The following RANBP2 variants were observed in gnomAD, a reference collection of about 807,000 sequenced individuals.
The protein encoded by RANBP2 is RAN binding protein 2, also known as E3 SUMO-protein ligase RanBP2.
A neutral mutation model predicts 303.6 loss-of-function variants in RANBP2; 57 were observed. That is an observed-to-expected ratio of 0.19 (90% CI 0.15 to 0.23). The LOEUF (loss-of-function observed/expected upper bound fraction) is 0.23. RANBP2 is among the 10% of genes least tolerant of loss of function. The probability of loss-of-function intolerance (pLI) is 1.00; values close to 1 mark genes in which losing one functional copy is unlikely to be tolerated. For missense variants in RANBP2, 3,138 were observed against 3,780.8 expected (o/e 0.83, Z 4.46); for synonymous variants, 1,167 against 1,301.5 (o/e 0.90, Z 2.23).
intron 18 of RANBP2, among the ~76,000 whole-genome samples, chr2:108,760,576 A>C (rs1676657855): frequency 6.6e-6 from 1 of 152,190 alleles, no homozygotes; most frequent in Non-Finnish European, 1.5e-5. Context: ...CACTTTGCTA[A>C]TGCTGACTTA....
chr2:109,460,109 C>T, the RANBP2 span, among the ~76,000 whole-genome samples: 2 of 152,326 alleles, frequency 1.3e-5, no homozygotes, highest in African/African-American at 4.8e-5. Flanking sequence ...CACACGAGCC[C>T]ATTGCTGCAC....
the RANBP2 span, among the ~76,000 whole-genome samples, chr2:109,486,775 G>A: frequency 6.6e-6 from 1 of 152,172 alleles, no homozygotes; most frequent in Non-Finnish European, 1.5e-5. Context: ...GTGGTGGGGA[G>A]GGCCTTCCAG....
the RANBP2 span, among the ~76,000 whole-genome samples, chr2:109,592,626 A>T: frequency 6.6e-6 from 1 of 151,206 alleles, no homozygotes; most frequent in Non-Finnish European, 1.5e-5. Flanking sequence ...TAAAATACAA[A>T]AAAGTTAGCC....
In RANBP2 at chr2:108,735,602, A is replaced by G. The variant is rs531660236; in HGVS notation, c.476A>G (p.Tyr159Cys). Reference protein sequence around the residue: ...KLFDLIQSELYVRPDDVHVNI... With the variant: ...KLFDLIQSELCVRPDDVHVNI... ...TTTGACTTGATTCAGTCAGAACTTT[A>G]TGTAAGACCTGATGACGTCCATGTG... Residue 159 changes from tyrosine to cysteine, a missense_variant, in exon 5 of 29, where the codon TAT (tyrosine) becomes TGT (cysteine). Around this residue, in one of 20 missense-constraint regions of RANBP2, gnomAD observed 306 missense variants for 381.9 expected, o/e 0.80. Coordinates refer to ENST00000283195, the MANE Select transcript of RANBP2 (RefSeq NM_006267.5). 1.3e-5 allele frequency: 21 copies of G among 1,597,612 alleles called. 1 individual carries two copies. The East Asian group carries it at 4.0e-4, about 31-fold the overall frequency.
At position 108,735,705 on chromosome 2, in the gene RANBP2, G is replaced by A. The variant is rs766116151; in HGVS notation, c.579G>A (p.Arg193=). The A allele has an allele frequency of 6.3e-7, 1 of 1,597,488 alleles. No homozygotes were observed. Among genetic ancestry groups the A allele is most frequent in the African/African-American group, 1.3e-5 (1 of 74,866 alleles). ...TGGCCCACTGCCATGAGGCAGAGAGGAACATAGCTTTGCGTTCAAGTTTAG... is the reference window on the plus strand; with the variant it reads ...TGGCCCACTGCCATGAGGCAGAGAGAAACATAGCTTTGCGTTCAAGTTTAG... ...DAVAHCHEAE[R]NIALRSSLEW... The change falls in exon 5 of 29, where the codon AGG becomes AGA. Residue 193 remains arginine, a synonymous_variant. Transcript: ENST00000283195.
chr2:108,746,210 T>C (rs1313205626), intron 7 of RANBP2, among the ~76,000 whole-genome samples: 7 of 62,064 alleles, frequency 1.1e-4, no homozygotes, highest in African/African-American at 7.6e-4. Context: ...GTCTGGCCCT[T>C]TTTTTTTTTT....
chr2:109,018,730 G>A, the RANBP2 span, among the ~76,000 whole-genome samples: 3 of 152,240 alleles, frequency 2.0e-5, no homozygotes, highest in African/African-American at 7.2e-5. Context: ...TATCCTTCAG[G>A]CACTGGCTCA....
chr2:109,541,030 G>A, the RANBP2 span, among the ~76,000 whole-genome samples: 612 of 152,244 alleles, frequency 4.0e-3, 5 homozygotes, highest in African/African-American at 0.014. Flanking sequence ...ATGCGTTCTG[G>A]TTGTCATACC....
chr2:109,266,818 C>G, the RANBP2 span, among the ~76,000 whole-genome samples: 43 of 152,282 alleles, frequency 2.8e-4, no homozygotes, highest in African/African-American at 9.1e-4. Context: ...GGGAGGGAGT[C>G]ACCTCATGTT....
At chr2:109,424,565 G>A in the RANBP2 span, among the ~76,000 whole-genome samples, 1 of 152,320 alleles carries the variant, frequency 6.6e-6, no homozygotes, top group South Asian at 2.1e-4. Flanking sequence ...CTCACTTCGA[G>A]TCTCTGTGTC....
At chr2:109,502,433 C>T in the RANBP2 span, 9 of 152,288 alleles carry the variant, frequency 5.9e-5, no homozygotes, top group South Asian at 1.9e-3. Flanking sequence ...CTAATAATGA[C>T]TTGGTTGAGC....
At chr2:109,239,734 G>A in the RANBP2 span, among the ~76,000 whole-genome samples, 1 of 152,172 alleles carries the variant, frequency 6.6e-6, no homozygotes, top group Non-Finnish European at 1.5e-5. Flanking sequence ...CAGCTTAAAT[G>A]GAGCCACCTG....
At chr2:109,503,755 G>A in the RANBP2 span, 1 of 152,140 alleles carries the variant, frequency 6.6e-6, no homozygotes, top group East Asian at 1.9e-4. Flanking sequence ...AGGCGCGCAG[G>A]TACCAAGCAA....
At chr2:109,578,662 G>A in the RANBP2 span, among the ~76,000 whole-genome samples, 1,436 of 152,212 alleles carry the variant, frequency 9.4e-3, 11 homozygotes, top group Non-Finnish European at 0.017. Flanking sequence ...AGCTACTCGG[G>A]AGGCTGAGGC....
the RANBP2 span, among the ~76,000 whole-genome samples, chr2:109,376,360 G>A: frequency 6.6e-6 from 1 of 152,230 alleles, no homozygotes; most frequent in Non-Finnish European, 1.5e-5. Context: ...TGTCAGGAAA[G>A]GAATCAGCTC....
the RANBP2 span, among the ~76,000 whole-genome samples, chr2:109,189,397 G>T: frequency 1.3e-5 from 2 of 150,894 alleles, no homozygotes; most frequent in African/African-American, 4.9e-5. Context: ...TTTTGAGACG[G>T]AGTCTCTGTC....
chr2:109,412,524 C>A, the RANBP2 span, among the ~76,000 whole-genome samples: 3 of 152,372 alleles, frequency 2.0e-5, no homozygotes, highest in African/African-American at 7.2e-5. Context: ...CCCGCTGCTG[C>A]AGAGCAGAGT....
the RANBP2 span, among the ~76,000 whole-genome samples, chr2:109,476,799 T>G: frequency 6.6e-6 from 1 of 152,308 alleles, no homozygotes; most frequent in Admixed American, 6.5e-5. Flanking sequence ...TATGGTTGTT[T>G]CTTGATGATA....
At chr2:109,380,435 T>C in the RANBP2 span, among the ~76,000 whole-genome samples, 1 of 152,134 alleles carries the variant, frequency 6.6e-6, no homozygotes, top group Admixed American at 6.5e-5. Context: ...TGTTATTGGG[T>C]TGTGGTTCAG....
Sources: allele counts gnomAD v4.1 joint callset (sites outside exome capture counted in the v4.1 genomes callset), GRCh38; gene constraint gnomAD v4.1.1; regional missense constraint gnomAD v4.1.1; transcripts MANE v1.5; gene names NCBI Gene and HGNC (gene_info 2026-07-23, HGNC 2026-07-21).